Variants in AGAP1 observed in about 807,000 individuals in gnomAD.
AGAP1 encodes the protein ArfGAP with GTPase domain, ankyrin repeat and PH domain 1.
A neutral mutation model predicts 105.3 loss-of-function variants in AGAP1; 29 were observed. The ratio of observed to expected loss-of-function variants is 0.28; its 90% CI spans 0.21 to 0.38. The LOEUF (loss-of-function observed/expected upper bound fraction) is 0.38, where lower values mean the gene tolerates loss of function less well. AGAP1 is among the 10% of genes least tolerant of loss of function. AGAP1 has a pLI of 1.00. For missense variants in AGAP1, 998 were observed against 1,165.1 expected, an observed-to-expected ratio of 0.86 and a Z score of 2.09; for synonymous variants, 509 against 485.9, an observed-to-expected ratio of 1.05 and a Z score of -0.63.
chr2:235,563,059 T>TTAAAA (rs984630557), intron 1 of AGAP1, among the ~76,000 whole-genome samples: 8 of 152,024 alleles, frequency 5.3e-5, no homozygotes, highest in Admixed American at 1.3e-4. Flanking sequence ...CAAAAAATAA[T>TTAAAA]TAAAATAAAA....
chr2:235,740,840 A>T lies in AGAP1; in HGVS notation c.311-123A>T. The T allele has an allele frequency of 9.3e-7, 1 of 1,079,968 alleles. No homozygotes were observed. The highest frequency in any genetic ancestry group is 1.3e-6 in the Non-Finnish European group (1 of 741,804). 66.9% of individuals were successfully genotyped at this position (1,079,968 alleles called of 1,614,324 possible). On this transcript the variant is annotated intron_variant, in intron 3 of 17. Transcript: ENST00000304032. The surrounding 1 kb of genome is among the most constrained non-coding windows in gnomAD (Gnocchi z 5.7). Reference sequence around the variant, plus strand: ...TTCAGCATTTGCTGGCAACATCCTAAATACTCAGTTGCCTCCAGGGCGACA... The same window carrying T: ...TTCAGCATTTGCTGGCAACATCCTATATACTCAGTTGCCTCCAGGGCGACA...
chr2:235,599,086 G>A lies in AGAP1; in HGVS notation c.163+104237G>A, dbSNP rs1045707723. Reference sequence around the variant, plus strand: ...GTATTTATTTACTCGCATGCCTTCAGATGCTTGCAGTAAGTCCATTTGAGA... The same window carrying A: ...GTATTTATTTACTCGCATGCCTTCAAATGCTTGCAGTAAGTCCATTTGAGA... On this transcript the variant is annotated intron_variant, in intron 1 of 17. Coordinates refer to ENST00000304032, the MANE Select transcript of AGAP1 (RefSeq NM_001037131.3). This position sits in a 1 kb window ranked among gnomAD's most constrained non-coding sequence, Gnocchi z 5.3. 6.6e-6 allele frequency among the ~76,000 whole-genome samples: 1 copy of A among 152,182 alleles called. No individual in the cohort carries two copies. The highest frequency in any genetic ancestry group is 2.4e-5 in the African/African-American group (1 of 41,438).
Position 236,076,358 on chromosome 2 carries a change from T to A in AGAP1, c.2114+27077T>A, listed in dbSNP as rs1233905817. ...AGCTACTTGGGAGGCTGAGGCAGAATTGCTTGAACCCTGGAGGCAGAGGTT... is the reference window on the plus strand; with the variant it reads ...AGCTACTTGGGAGGCTGAGGCAGAAATGCTTGAACCCTGGAGGCAGAGGTT... On this transcript the variant is annotated intron_variant, in intron 16 of 17. Transcript: ENST00000304032. The surrounding 1 kb of genome is among the most constrained non-coding windows in gnomAD (Gnocchi z 4.4). Among the ~76,000 whole-genome samples the A allele has an allele frequency of 6.6e-6, 1 of 151,930 alleles. No homozygotes were observed. Among genetic ancestry groups the A allele is most frequent in the Non-Finnish European group, 1.5e-5 (1 of 67,974 alleles).
chr2:235,888,577 A>T lies in AGAP1; in HGVS notation c.1155+5128A>T, dbSNP rs2050377249. ...AAGTGAGCCAGGTGTGGTGGAGCAC[A>T]CCTGTAGTCCCAGCTACTCAGGAGG... On this transcript the variant is annotated intron_variant, in intron 10 of 17. Coordinates refer to ENST00000304032, the MANE Select transcript of AGAP1 (RefSeq NM_001037131.3). This position sits in a 1 kb window ranked among gnomAD's most constrained non-coding sequence, Gnocchi z 4.8. Among the ~76,000 whole-genome samples, 1 of 152,044 alleles carries T rather than the reference A, an allele frequency of 6.6e-6. No individual in the cohort carries two copies. Among genetic ancestry groups the T allele is most frequent in the African/African-American group, 2.4e-5 (1 of 41,404 alleles).
intron 13 of AGAP1, among the ~76,000 whole-genome samples, chr2:235,987,143 G>GTATTTT (rs2055349604): frequency 1.1e-5 from 1 of 90,422 alleles, no homozygotes; most frequent in Non-Finnish European, 2.4e-5. Context: ...TTATTTATTG[G>GTATTTT]TTGGTAGGCT....
At chr2:235,815,980 G>C (rs1331936988) in intron 9 of AGAP1, among the ~76,000 whole-genome samples, 2 of 152,196 alleles carry the variant, frequency 1.3e-5, no homozygotes, top group African/African-American at 2.4e-5. Context: ...GCGGGTAAAT[G>C]TTGGGCCTGT....
chr2:235,603,188 A>G (rs190895229), intron 1 of AGAP1, among the ~76,000 whole-genome samples: 1 of 152,306 alleles, frequency 6.6e-6, no homozygotes, highest in Non-Finnish European at 1.5e-5. Flanking sequence ...TGGTGGTTTC[A>G]TAAGGGGAAA....
At chr2:235,524,085 G>A (rs1942734189) in intron 1 of AGAP1, among the ~76,000 whole-genome samples, 1 of 152,224 alleles carries the variant, frequency 6.6e-6, no homozygotes, top group East Asian at 1.9e-4. Flanking sequence ...CCATGGGACT[G>A]TGGAAAGGGC....
intron 1 of AGAP1, among the ~76,000 whole-genome samples, chr2:235,630,604 T>C (rs1012357107): frequency 5.3e-5 from 8 of 152,228 alleles, no homozygotes; most frequent in Non-Finnish European, 1.0e-4. Context: ...ATATTGCACA[T>C]CCATGTTACT....
At chr2:235,890,112 AG>A (rs1164364666) in intron 10 of AGAP1, among the ~76,000 whole-genome samples, 1 of 147,862 alleles carries the variant, frequency 6.8e-6, no homozygotes, top group East Asian at 2.0e-4. Flanking sequence ...TGAGAGAAGG[AG>A]GTATGGGCAC....
intron 16 of AGAP1, among the ~76,000 whole-genome samples, chr2:236,091,061 T>G (rs1642541286): frequency 1.3e-5 from 2 of 152,238 alleles, no homozygotes; most frequent in African/African-American, 4.8e-5. Context: ...GTAAGCACAT[T>G]TCTGAACACA....
chr2:235,775,816 A>G (rs539062711), intron 6 of AGAP1: 53 of 152,320 alleles, frequency 3.5e-4, no homozygotes, highest in African/African-American at 1.3e-3. Context: ...AAAGATAGAA[A>G]AACATTGGAA....
rs1559254727 is a variant in AGAP1 at position 236,079,369 on chromosome 2, T to TAA, written c.2114+30088_2114+30089insAA. Among the ~76,000 whole-genome samples the TAA allele has an allele frequency of 5.5e-5, 6 of 108,508 alleles. 1 individual carries two copies. In the South Asian group the frequency reaches 1.9e-3, roughly 35 times the overall value. 71.2% of individuals were successfully genotyped at this position (108,508 alleles called of 152,430 possible). A position where few individuals can be genotyped will look rare whatever the true frequency, so the allele number is the denominator to read the frequency against. ...CTCTGTCTCTACAAAAAAAGAAAAT[T>TAA]TAAAAAAAAAAAAAAAAAAACAGGC... On this transcript the variant is annotated intron_variant, in intron 16 of 17. Coordinates refer to ENST00000304032, the MANE Select transcript of AGAP1 (RefSeq NM_001037131.3).
At position 235,882,546 on chromosome 2, in the gene AGAP1, C is replaced by G. The variant is rs2050081436; in HGVS notation, c.1051-799C>G. The G allele has an allele frequency of 3.3e-6, 3 of 918,776 alleles. No individual in the cohort carries two copies. Among genetic ancestry groups the G allele is most frequent in the Non-Finnish European group, 3.3e-6 (2 of 601,906 alleles). The allele number at this position is 918,776 out of a possible 1,614,324, so 56.9% of individuals were successfully genotyped here. A position where few individuals can be genotyped will look rare whatever the true frequency, so the allele number is the denominator to read the frequency against. On this transcript the variant is annotated intron_variant, in intron 9 of 17. Transcript: ENST00000304032. This position sits in a 1 kb window ranked among gnomAD's most constrained non-coding sequence, Gnocchi z 4.6. ...GGCGGGCTCTTAGCTCACTGCAACA[C>G]TCTGCCTCCTGGGTTCAAGCAATTC... is the stretch of plus-strand genomic sequence containing the variant.
At chr2:235,641,540 C>G (rs938571329) in intron 1 of AGAP1, among the ~76,000 whole-genome samples, 30 of 152,072 alleles carry the variant, frequency 2.0e-4, no homozygotes, top group African/African-American at 6.5e-4. Flanking sequence ...GAGTGGGTTG[C>G]GTGGCCCGTC....
intron 16 of AGAP1, among the ~76,000 whole-genome samples, chr2:236,110,367 A>G (rs2059611889): frequency 1.4e-5 from 2 of 148,102 alleles, no homozygotes; most frequent in Non-Finnish European, 3.0e-5. Flanking sequence ...TGTCTCTAAA[A>G]GAAAAGAAAA....
intron 13 of AGAP1, among the ~76,000 whole-genome samples, chr2:236,031,829 C>T (rs918620065): frequency 2.0e-5 from 3 of 152,144 alleles, no homozygotes; most frequent in African/African-American, 7.2e-5. Context: ...CAGTCCCTGG[C>T]ATTGGGCTCT....
In AGAP1 at chr2:235,687,098, C is replaced by T. The variant is rs569481870; in HGVS notation, c.164-22081C>T. On this transcript the variant is annotated intron_variant, in intron 1 of 17. Coordinates refer to ENST00000304032, the MANE Select transcript of AGAP1 (RefSeq NM_001037131.3). ...AGATTGCAGATCAGGTGGGCGGGAG[C>T]TGATAACATTCTCACTTGGCCTCAG... Among the ~76,000 whole-genome samples the T allele has an allele frequency of 2.0e-4, 31 of 152,274 alleles. No individual in the cohort carries two copies. The South Asian group carries it at 6.4e-3, about 32-fold the overall frequency.
intron 1 of AGAP1, among the ~76,000 whole-genome samples, chr2:235,543,025 G>A (rs1943497273): frequency 6.6e-6 from 1 of 151,258 alleles, no homozygotes; most frequent in South Asian, 2.1e-4. Flanking sequence ...GGACCTGTTT[G>A]TCGAGTTGAG....
Sources: gnomAD v4.1 joint callset for allele counts (sites outside exome capture counted in the v4.1 genomes callset) on GRCh38, gnomAD v4.1.1 for gene constraint, Gnocchi (gnomAD v3.1) non-coding constraint, MANE v1.5 for transcripts, NCBI Gene and HGNC (gene_info 2026-07-23, HGNC 2026-07-21) for gene names.